Variants in TJP1 observed in about 807,000 individuals in gnomAD.
TJP1 encodes tight junction protein ZO-1.
Under a neutral mutation model 194.2 loss-of-function variants are expected in TJP1, and 43 were observed. The ratio of observed to expected loss-of-function variants is 0.22; its 90% confidence interval spans 0.17 to 0.29. The LOEUF is 0.29. Among genes scored for constraint, TJP1 ranks in the 10% least tolerant of loss-of-function variants. The probability of loss-of-function intolerance (pLI) is 1.00; values close to 1 mark genes in which losing one functional copy is unlikely to be tolerated. For synonymous variants in TJP1, 801 were observed against 779.0 expected (o/e 1.03, Z -0.47); for missense variants, 1,971 against 2,185.7 (o/e 0.90, Z 1.96).
rs771298262 is a variant in TJP1 at position 29,726,452 on chromosome 15, T to C, written c.2339A>G (p.Asp780Gly). 1.2e-6 allele frequency: 2 copies of C among 1,614,132 alleles called. No homozygotes were observed. The highest frequency in any genetic ancestry group is 1.1e-5 in the South Asian group (1 of 91,076). Residue 780 changes from aspartate to glycine, a missense_variant, in exon 18 of 28, where the codon GAT (aspartate) becomes GGT (glycine). Transcript: ENST00000614355. ...TTCTTTCAGCGCACCATACCAACCA[T>C]CATTCATTGAATTTAAGTTAATTGT... ...TTTINLNSMNDGWYGALKEAI... is the reference protein window; with the variant it reads ...TTTINLNSMNGGWYGALKEAI...
At chr15:29,941,220 G>A (rs565797882) in intron 2 of TJP1, among the ~76,000 whole-genome samples, 4 of 151,922 alleles carry the variant, frequency 2.6e-5, no homozygotes, top group Non-Finnish European at 4.4e-5. Context: ...ACACATCTCC[G>A]TGGACCACTC....
At chr15:29,815,702 C>T (rs776891435) in intron 1 of TJP1, among the ~76,000 whole-genome samples, 3 of 152,146 alleles carry the variant, frequency 2.0e-5, no homozygotes, top group African/African-American at 7.2e-5. Context: ...AACAGGATTA[C>T]GTCTTCAAAT....
intron 4 of TJP1, among the ~76,000 whole-genome samples, chr15:29,767,421 C>T (rs546628605): frequency 1.1e-4 from 17 of 152,270 alleles, no homozygotes; most frequent in South Asian, 6.2e-4. Context: ...ATTCCTTCAT[C>T]TTAGTTCATC....
chr15:29,962,271 T>G (rs1377537074), intron 1 of TJP1, among the ~76,000 whole-genome samples: 3 of 152,218 alleles, frequency 2.0e-5, no homozygotes, highest in Non-Finnish European at 1.5e-5. Flanking sequence ...CCAGGAAGCC[T>G]CAGATATTCA....
intron 15 of TJP1, chr15:29,732,133 T>C: frequency 3.4e-6 from 1 of 291,208 alleles, no homozygotes; most frequent in Non-Finnish European, 6.4e-6. Flanking sequence ...GCTACTCAAC[T>C]GTAACATGGA....
chr15:29,804,290 T>C (rs1429420921), intron 1 of TJP1, among the ~76,000 whole-genome samples: 1 of 152,152 alleles, frequency 6.6e-6, no homozygotes. Context: ...CAGGTAACCA[T>C]GGCAGACTGC....
intron 10 of TJP1, among the ~76,000 whole-genome samples, chr15:29,737,672 T>C (rs1729983606): frequency 6.6e-6 from 1 of 152,230 alleles, no homozygotes; most frequent in Non-Finnish European, 1.5e-5. Flanking sequence ...ATAAAATTAC[T>C]TTGTAAAACA....
chr15:29,860,169 C>T (rs1215262319), intron 2 of TJP1, among the ~76,000 whole-genome samples: 2 of 152,226 alleles, frequency 1.3e-5, no homozygotes, highest in African/African-American at 4.8e-5. Flanking sequence ...CCCACAGAGT[C>T]TGCTGCCAGA....
At chr15:29,766,802 A>G (rs2046358970) in intron 4 of TJP1, among the ~76,000 whole-genome samples, 1 of 152,204 alleles carries the variant, frequency 6.6e-6, no homozygotes, top group Non-Finnish European at 1.5e-5. Context: ...TCACACAGAA[A>G]GATCTTCCTG....
At chr15:29,776,770 T>G (rs949622365) in intron 2 of TJP1, among the ~76,000 whole-genome samples, 2 of 152,188 alleles carry the variant, frequency 1.3e-5, no homozygotes, top group African/African-American at 2.4e-5. Context: ...TTAATATCAC[T>G]ATCAAGGTTA....
chr15:29,797,582 TAAA>T (rs201927768), intron 2 of TJP1, among the ~76,000 whole-genome samples: 4 of 133,292 alleles, frequency 3.0e-5, no homozygotes, highest in Non-Finnish European at 1.6e-5. Flanking sequence ...CTGAATACGT[TAAA>T]AAAAAAAAAA....
chr15:29,821,933 G>A, intron 1 of TJP1, 69 bp downstream of exon 1: 3 of 1,190,214 alleles, frequency 2.5e-6, no homozygotes, highest in Non-Finnish European at 3.1e-6. Flanking sequence ...GCGGGACGCG[G>A]GCCAGATGCC....
At chr15:29,789,903 T>C (rs755083208) in intron 2 of TJP1, among the ~76,000 whole-genome samples, 9 of 152,216 alleles carry the variant, frequency 5.9e-5, no homozygotes, top group Non-Finnish European at 1.2e-4. Flanking sequence ...CCAGAGGCCA[T>C]AGCCCTCCAT....
At chr15:29,848,948 A>G (rs1002331421) in intron 2 of TJP1, among the ~76,000 whole-genome samples, 5 of 152,106 alleles carry the variant, frequency 3.3e-5, no homozygotes, top group Non-Finnish European at 5.9e-5. Context: ...CTACGTTTTT[A>G]TAAAATACTC....
Position 29,822,465 on chromosome 15 carries a change from C to T in TJP1, c.-437G>A. On this transcript the variant is annotated 5_prime_UTR_variant, in exon 1 of 28. Coordinates refer to ENST00000614355, the MANE Select transcript of TJP1 (RefSeq NM_001330239.4). ...TCAGCCGGCGCCGGCAACTCAGCGGCCACGCAAACCTGCCGGCCCGGCCCA... is the reference window on the plus strand; with the variant it reads ...TCAGCCGGCGCCGGCAACTCAGCGGTCACGCAAACCTGCCGGCCCGGCCCA... 1 of 985,736 alleles carries T rather than the reference C, an allele frequency of 1.0e-6. No homozygotes were observed. Among genetic ancestry groups the T allele is most frequent in the Non-Finnish European group, 1.2e-6 (1 of 830,318 alleles). The allele number at this position is 985,736 out of a possible 1,614,324, so 61.1% of individuals were successfully genotyped here.
At chr15:29,911,762 C>CG (rs1399561634) in intron 2 of TJP1, among the ~76,000 whole-genome samples, 1 of 152,154 alleles carries the variant, frequency 6.6e-6, no homozygotes, top group Non-Finnish European at 1.5e-5. Context: ...AACCATATCA[C>CG]GGAAGTTCAG....
chr15:29,865,237 T>G (rs1356503548), intron 2 of TJP1, among the ~76,000 whole-genome samples: 1 of 152,212 alleles, frequency 6.6e-6, no homozygotes, highest in Non-Finnish European at 1.5e-5. Context: ...TTTCAACAGT[T>G]ACCGACAGTA....
chr15:29,699,975 A>G (rs951736424), downstream of TJP1: 4 of 268,802 alleles, frequency 1.5e-5, no homozygotes, highest in Non-Finnish European at 2.8e-5. Flanking sequence ...AGCCCTTCAG[A>G]TGAGCACTGC....
intron 2 of TJP1, among the ~76,000 whole-genome samples, chr15:29,939,706 G>C (rs2055001761): frequency 6.6e-6 from 1 of 152,180 alleles, no homozygotes; most frequent in African/African-American, 2.4e-5. Flanking sequence ...GGGGCCTTTG[G>C]GAGGTGATTA....
Sources: allele counts gnomAD v4.1 joint callset (sites outside exome capture counted in the v4.1 genomes callset), GRCh38; gene constraint gnomAD v4.1.1; transcripts MANE v1.5; gene names NCBI Gene and HGNC (gene_info 2026-07-23, HGNC 2026-07-21).